GARRE1: variants seen among roughly 807,000 people sequenced by gnomAD.
GARRE1 encodes granule associated Rac and RHOG effector 1.
GARRE1 carries 49 observed loss-of-function variants against 103.2 expected under a neutral mutation model. The observed-to-expected ratio is 0.47, with a 90% CI of 0.38 to 0.60. The LOEUF is 0.60. Among genes scored for constraint, GARRE1 ranks in the 20% least tolerant of loss-of-function variants. The probability of loss-of-function intolerance (pLI) is 0.00; values close to 1 mark genes in which losing one functional copy is unlikely to be tolerated. For synonymous variants in GARRE1, 505 were observed against 532.8 expected (o/e 0.95, Z 0.72); for missense variants, 1,199 against 1,370.5 (o/e 0.87, Z 1.98).
intron 8 of GARRE1, among the ~76,000 whole-genome samples, chr19:34,339,584 T>C (rs7255455): frequency 0.11 from 17,035 of 152,164 alleles, 1,324 homozygotes; most frequent in African/African-American, 0.21. Flanking sequence ...CACTATCACC[T>C]AGGAAATCTC....
At chr19:34,330,443 A>C in intron 7 of GARRE1, 96 bp downstream of exon 7, 1 of 1,287,582 alleles carries the variant, frequency 7.8e-7, no homozygotes, top group Non-Finnish European at 1.1e-6. Flanking sequence ...ATATTGAATA[A>C]TTTAAAAAGT....
chr19:34,300,303 T>C lies in GARRE1; in HGVS notation c.-171T>C. On this transcript the variant is annotated 5_prime_UTR_variant, in exon 2 of 14. Coordinates refer to ENST00000299505, the MANE Select transcript of GARRE1 (RefSeq NM_014686.5). ...ACTGAAAATATTAATTATATAAACC[T>C]GTTGTCTCTCACCTCTACATTGGAT... is the stretch of plus-strand genomic sequence containing the variant. 1.7e-6 allele frequency: 1 copy of C among 594,522 alleles called. No individual in the cohort carries two copies. The highest frequency in any genetic ancestry group is 2.8e-6 in the Non-Finnish European group (1 of 355,084). 36.8% of individuals were successfully genotyped at this position (594,522 alleles called of 1,614,324 possible). A position where few individuals can be genotyped will look rare whatever the true frequency, so the allele number is the denominator to read the frequency against.
At chr19:34,291,782 C>CT (rs2073919299) in intron 1 of GARRE1, among the ~76,000 whole-genome samples, 1 of 152,078 alleles carries the variant, frequency 6.6e-6, no homozygotes, top group African/African-American at 2.4e-5. Context: ...ATAGCAACCA[C>CT]TATTTAACTT....
chr19:34,347,973 C>G lies in GARRE1; in HGVS notation c.2618C>G (p.Pro873Arg). The G allele has an allele frequency of 6.3e-7, 1 of 1,584,314 alleles. No homozygotes were observed. The highest frequency in any genetic ancestry group is 1.1e-5 in the South Asian group (1 of 87,498). The stretch of plus-strand genomic sequence containing the variant: ...CAGCACGGTCGCCGGCCAGGCAACC[C>G]CCGGGGCAACTGGCCGCCTATGGAT... Reference protein sequence around the residue: ...QAQHGRRPGNPRGNWPPMDDA... With the variant: ...QAQHGRRPGNRRGNWPPMDDA... Residue 873 changes from proline (P) to arginine (R), a missense_variant, in exon 11 of 14, where the codon CCC becomes CGC. Transcript: ENST00000299505.
intron 2 of GARRE1, among the ~76,000 whole-genome samples, chr19:34,317,922 C>T (rs1168011229): frequency 6.6e-5 from 10 of 152,130 alleles, no homozygotes; most frequent in Non-Finnish European, 1.2e-4. Flanking sequence ...GGCCTAGGTG[C>T]GCTGCCTTCG....
At chr19:34,294,255 A>C (rs1470048934) in intron 1 of GARRE1, among the ~76,000 whole-genome samples, 1 of 149,254 alleles carries the variant, frequency 6.7e-6, no homozygotes, top group Non-Finnish European at 1.5e-5. Flanking sequence ...CCCTGTCTCT[A>C]CAAAAAAAAA....
chr19:34,311,053 G>A (rs1337096049), intron 2 of GARRE1, among the ~76,000 whole-genome samples: 1 of 151,872 alleles, frequency 6.6e-6, no homozygotes, highest in African/African-American at 2.4e-5. Flanking sequence ...GAGTGCAGTG[G>A]AACAATCACA....
intron 1 of GARRE1, among the ~76,000 whole-genome samples, chr19:34,286,037 G>GA (rs1957321203): frequency 1.3e-5 from 2 of 151,958 alleles, no homozygotes; most frequent in South Asian, 4.2e-4. Flanking sequence ...TTGGTTCTCA[G>GA]AAAAAGAGTT....
At chr19:34,303,342 T>A (rs1455761708) in intron 2 of GARRE1, among the ~76,000 whole-genome samples, 3 of 152,194 alleles carry the variant, frequency 2.0e-5, no homozygotes, top group Non-Finnish European at 4.4e-5. Context: ...AGATCACCAG[T>A]CTTTTGGGTC....
chr19:34,267,206 A>C (rs1475063662), intron 1 of GARRE1, among the ~76,000 whole-genome samples: 1 of 152,108 alleles, frequency 6.6e-6, no homozygotes, highest in Admixed American at 6.5e-5. Context: ...TCAAGGCTGC[A>C]GTGAGCCGCG....
intron 13 of GARRE1, 84 bp from the exon 14 acceptor site, chr19:34,352,563 G>A: frequency 8.5e-7 from 1 of 1,173,980 alleles, no homozygotes; most frequent in Non-Finnish European, 1.2e-6. Flanking sequence ...TTCCTAGGAG[G>A]GAATAAGGGC....
At chr19:34,332,322 T>G (rs1468863536) in intron 7 of GARRE1, among the ~76,000 whole-genome samples, 1 of 152,140 alleles carries the variant, frequency 6.6e-6, no homozygotes, top group African/African-American at 2.4e-5. Flanking sequence ...TTGGCTTTAG[T>G]ATATCGATCC....
In GARRE1 at chr19:34,310,348, T is replaced by C. The variant is rs372595163; in HGVS notation, c.495+9380T>C. ...CTGAAGTCCTTCTGAGGCCAGCCCA[T>C]GTATGGGTTATGTGTCCTATGTGTC... On this transcript the variant is annotated intron_variant, in intron 2 of 13. Transcript: ENST00000299505. Among the ~76,000 whole-genome samples the C allele has an allele frequency of 2.6e-5, 4 of 152,136 alleles. No individual in the cohort carries two copies. In the East Asian group the frequency reaches 7.7e-4, roughly 29 times the overall value.
chr19:34,317,799 A>G (rs1045616705), intron 2 of GARRE1, among the ~76,000 whole-genome samples: 2 of 152,210 alleles, frequency 1.3e-5, no homozygotes, highest in African/African-American at 4.8e-5. Context: ...GCGCTAGCCC[A>G]TGTGACTCTC....
rs192513488 is a variant in GARRE1 at position 34,300,605 on chromosome 19, C to T, written c.132C>T (p.Pro44=). 1.1e-4 allele frequency: 175 copies of T among 1,613,518 alleles called. No individual in the cohort carries two copies. The highest frequency in any genetic ancestry group is 2.5e-4 in the Admixed American group (15 of 60,036). ...AGCTGGGCCGAGCACTGAGTGCTCCCCTGGCATCCACGGCCACCACTGCCC... is the reference window on the plus strand; with the variant it reads ...AGCTGGGCCGAGCACTGAGTGCTCCTCTGGCATCCACGGCCACCACTGCCC... The part of the protein sequence containing the change: ...MPELGRALSA[P]LASTATTAPL... Residue 44 remains proline, a synonymous_variant, in exon 2 of 14, where the codon CCC becomes CCT. Transcript: ENST00000299505.
rs145548781 is a variant in GARRE1, at chr19:34,275,912, T to TC, written c.-796+21300dup. Among the ~76,000 whole-genome samples the TC allele has an allele frequency of 9.9e-3, 1,507 of 152,356 alleles. 30 individuals carry two copies. The highest frequency in any genetic ancestry group is 0.035 in the African/African-American group (1,445 of 41,584). On this transcript the variant is annotated intron_variant, in intron 1 of 13. Coordinates refer to ENST00000299505, the MANE Select transcript of GARRE1 (RefSeq NM_014686.5). Reference sequence around the variant, plus strand: ...GTTATTGTCTGTTTGATTATAGTAATCCTAGTGGTTGCGAAGAGGTATCTC... The same window carrying TC: ...GTTATTGTCTGTTTGATTATAGTAATCCCTAGTGGTTGCGAAGAGGTATCTC...
chr19:34,318,154 G>A (rs538930764), intron 2 of GARRE1, among the ~76,000 whole-genome samples: 17 of 152,356 alleles, frequency 1.1e-4, no homozygotes, highest in African/African-American at 3.4e-4. Flanking sequence ...GAGATAATAA[G>A]TGTCTTGCTG....
intron 1 of GARRE1, among the ~76,000 whole-genome samples, chr19:34,271,575 T>G (rs1046462946): frequency 1.3e-5 from 2 of 152,048 alleles, no homozygotes; most frequent in African/African-American, 4.8e-5. Flanking sequence ...TTGAAAGAAC[T>G]AGGAGCTGGG....
chr19:34,348,180 T>A (rs2074221486), intron 11 of GARRE1, 138 bp downstream of exon 11: 1 of 716,272 alleles, frequency 1.4e-6, no homozygotes, highest in African/African-American at 1.9e-5. Context: ...GAGAGTGACA[T>A]GGGATGAAAT....
Sources: gnomAD v4.1 joint callset for allele counts (sites outside exome capture counted in the v4.1 genomes callset) on GRCh38, gnomAD v4.1.1 for gene constraint, MANE v1.5 for transcripts, NCBI Gene and HGNC (gene_info 2026-07-23, HGNC 2026-07-21) for gene names.